PTPRD: variants seen among roughly 807,000 people sequenced by gnomAD.
PTPRD encodes protein tyrosine phosphatase receptor type D.
PTPRD carries 34 observed loss-of-function variants against 214.5 expected under a neutral mutation model. That is an observed-to-expected ratio of 0.16 (90% CI 0.12 to 0.21). PTPRD has a LOEUF of 0.21. Among genes scored for constraint, PTPRD ranks in the 10% least tolerant of loss-of-function variants. The pLI is 1.00. For synonymous variants in PTPRD, 1,128 were observed against 845.7 expected (o/e 1.33, Z -5.79); for missense variants, 2,545 against 2,398.7 (o/e 1.06, Z -1.27).
chr9:10,292,864 T>C (rs1313600930), intron 3 of PTPRD, among the ~76,000 whole-genome samples: 1 of 151,920 alleles, frequency 6.6e-6, no homozygotes, highest in South Asian at 2.1e-4. Context: ...TAATGAGTGT[T>C]ATAATGTGTG....
intron 9 of PTPRD, among the ~76,000 whole-genome samples, chr9:9,277,899 C>T: frequency 6.6e-6 from 1 of 151,360 alleles, no homozygotes; most frequent in East Asian, 2.0e-4. Flanking sequence ...ATGCTAATAA[C>T]ACATTCCTTC....
chr9:8,346,734 G>A (rs572554501), intron 39 of PTPRD, among the ~76,000 whole-genome samples: 1 of 152,224 alleles, frequency 6.6e-6, no homozygotes, highest in African/African-American at 2.4e-5. Context: ...GGGCAATTTG[G>A]ATATGCCAAA....
chr9:10,524,725 A>T (rs2053680637), intron 2 of PTPRD, among the ~76,000 whole-genome samples: 1 of 152,108 alleles, frequency 6.6e-6, no homozygotes, highest in Non-Finnish European at 1.5e-5. Flanking sequence ...AGTAACGTAT[A>T]ATCTCACTTT....
chr9:9,758,799 C>T (rs2098617809), intron 6 of PTPRD, among the ~76,000 whole-genome samples: 1 of 138,646 alleles, frequency 7.2e-6, no homozygotes, highest in African/African-American at 2.6e-5. Flanking sequence ...ACTGGAACAT[C>T]AAGTCTCTCT....
intron 8 of PTPRD, among the ~76,000 whole-genome samples, chr9:9,539,311 A>G (rs541057785): frequency 8.6e-5 from 13 of 151,962 alleles, no homozygotes; most frequent in Admixed American, 5.3e-4. Flanking sequence ...AGCTTCTGTC[A>G]CTTGAGCATA....
intron 11 of PTPRD, among the ~76,000 whole-genome samples, chr9:8,836,850 G>T (rs531072726): frequency 2.6e-5 from 4 of 151,618 alleles, no homozygotes; most frequent in African/African-American, 9.7e-5. Context: ...CCCAACAGCT[G>T]ATTAGACTAG....
rs188995754 is a variant in PTPRD at position 8,402,013 on chromosome 9, T to C, written c.4210+2524A>G. 3.1e-3 allele frequency among the ~76,000 whole-genome samples: 472 copies of C among 152,314 alleles called. 2 individuals carry two copies. Among genetic ancestry groups the C allele is most frequent in the Non-Finnish European group, 4.5e-3 (303 of 68,024 alleles). ...TTAGAGGAGAAGCCTCAGTTAGTGG[T>C]TCTGTGGTTCCAGTTGCCAGTATTT... On this transcript the variant is annotated intron_variant, in intron 36 of 45. Transcript: ENST00000381196.
intron 2 of PTPRD, among the ~76,000 whole-genome samples, chr9:10,474,897 ATAAAT>A (rs1473634180): frequency 6.6e-6 from 1 of 151,994 alleles, no homozygotes; most frequent in Non-Finnish European, 1.5e-5. Context: ...CGGTAAATAA[ATAAAT>A]TAAGACAGAA....
At chr9:9,899,512 C>A (rs1358764987) in intron 5 of PTPRD, among the ~76,000 whole-genome samples, 2 of 152,182 alleles carry the variant, frequency 1.3e-5, no homozygotes, top group East Asian at 3.9e-4. Context: ...TCACCTCACA[C>A]TGCTGTTAGA....
chr9:8,381,711 CTACCAG>C (rs2085144217), intron 37 of PTPRD, among the ~76,000 whole-genome samples: 1 of 152,132 alleles, frequency 6.6e-6, no homozygotes, highest in South Asian at 2.1e-4. Context: ...ATAAAATTGC[CTACCAG>C]TTCATTGAAC....
chr9:9,834,001 A>G (rs2055914509), intron 5 of PTPRD, among the ~76,000 whole-genome samples: 1 of 152,088 alleles, frequency 6.6e-6, no homozygotes, highest in South Asian at 2.1e-4. Flanking sequence ...TGACAGGATT[A>G]AGAGATTGAA....
At chr9:10,417,448 T>C (rs2098502710) in intron 2 of PTPRD, among the ~76,000 whole-genome samples, 1 of 151,864 alleles carries the variant, frequency 6.6e-6, no homozygotes, top group South Asian at 2.1e-4. Context: ...CTTCATAACA[T>C]AAATACATTT....
At chr9:9,931,803 A>G (rs1566457552) in intron 5 of PTPRD, among the ~76,000 whole-genome samples, 1 of 151,446 alleles carries the variant, frequency 6.6e-6, no homozygotes, top group Non-Finnish European at 1.5e-5. Flanking sequence ...GACAGCAGTA[A>G]CCTCTGCAGA....
intron 14 of PTPRD, among the ~76,000 whole-genome samples, chr9:8,611,808 GGAGAGGAGAA>G (rs2095459692): frequency 6.7e-6 from 1 of 149,788 alleles, no homozygotes; most frequent in South Asian, 2.1e-4. Context: ...AGAAAAAAGA[GGAGAGGAGAA>G]GAGAGGAGGA....
At chr9:9,732,609 T>C (rs1398026482) in intron 7 of PTPRD, among the ~76,000 whole-genome samples, 1 of 152,148 alleles carries the variant, frequency 6.6e-6, no homozygotes, top group African/African-American at 2.4e-5. Context: ...AGAGGACCTC[T>C]AGGATTTGTT....
At chr9:10,368,490 A>G (rs2097554079) in intron 2 of PTPRD, among the ~76,000 whole-genome samples, 1 of 152,092 alleles carries the variant, frequency 6.6e-6, no homozygotes, top group African/African-American at 2.4e-5. Context: ...ATTCAATGCA[A>G]TGGGTTTTGT....
intron 4 of PTPRD, among the ~76,000 whole-genome samples, chr9:9,974,799 G>A (rs2095290564): frequency 6.6e-6 from 1 of 152,084 alleles, no homozygotes; most frequent in Non-Finnish European, 1.5e-5. Flanking sequence ...GGAAATATTT[G>A]TTGACACAGT....
chr9:8,702,570 G>A (rs961469269), intron 12 of PTPRD, among the ~76,000 whole-genome samples: 2 of 152,160 alleles, frequency 1.3e-5, no homozygotes, highest in African/African-American at 4.8e-5. Context: ...CTGCACAAGA[G>A]GTTCTCCCTG....
At chr9:9,751,852 C>A (rs964735464) in intron 6 of PTPRD, among the ~76,000 whole-genome samples, 17 of 152,030 alleles carry the variant, frequency 1.1e-4, no homozygotes, top group Admixed American at 6.6e-4. Context: ...AACTGACACA[C>A]TACTCAAAAA....
Sources: gnomAD v4.1 joint callset for allele counts (sites outside exome capture counted in the v4.1 genomes callset) on GRCh38, gnomAD v4.1.1 for gene constraint, MANE v1.5 for transcripts, NCBI Gene and HGNC (gene_info 2026-07-23, HGNC 2026-07-21) for gene names.